The following ECPAS variants were observed in gnomAD, a reference collection of about 807,000 sequenced individuals.
ECPAS encodes the protein Ecm29 proteasome adaptor and scaffold.
ECPAS carries 70 observed loss-of-function variants against 255.1 expected under a neutral mutation model. The observed-to-expected ratio is 0.27, with a 90% confidence interval of 0.23 to 0.33. The LOEUF is 0.33. Among genes scored for constraint, ECPAS ranks in the 10% least tolerant of loss-of-function variants. The pLI, the probability that ECPAS is intolerant of heterozygous loss-of-function variation, is 1.00. For synonymous variants in ECPAS, 784 were observed against 775.0 expected, an observed-to-expected ratio of 1.01 and a Z score of -0.19; for missense variants, 1,817 against 2,206.4, an observed-to-expected ratio of 0.82 and a Z score of 3.54.
At chr9:111,391,626 C>A (rs1236796722) in intron 29 of ECPAS, 130 bp downstream of exon 29, 12 of 565,726 alleles carry the variant, frequency 2.1e-5, no homozygotes, top group Non-Finnish European at 2.7e-5. Flanking sequence ...TGTAAGTTTT[C>A]TTCTTCCACC....
chr9:111,468,015 T>A (rs2098281603), intron 2 of ECPAS, among the ~76,000 whole-genome samples: 1 of 152,052 alleles, frequency 6.6e-6, no homozygotes, highest in Admixed American at 6.6e-5. Context: ...TACTCAGGCG[T>A]GGTGGCATGT....
chr9:111,423,232 G>A lies in ECPAS; in HGVS notation c.1232C>T (p.Ser411Leu). ...NEYKEDPKLL[S>L]MAYSAVGKLS... is the part of the protein sequence containing the mutation. ...TTTTCCAACAGCTGAATATGCCATT[G>A]ACAGTAGTTTAGGGTCCTTGAAATT... The change falls in exon 13 of 50, where the codon TCA becomes TTA. Residue 411 changes from serine (S) to leucine (L), a missense_variant. This residue lies in a region of ECPAS where 573 missense variants were observed against 716.2 expected (regional missense o/e 0.80). Transcript: ENST00000684092. 1 of 1,558,728 alleles carries A rather than the reference G, an allele frequency of 6.4e-7. No individual in the cohort carries two copies.
chr9:111,396,550 T>C (rs2098167928), intron 25 of ECPAS, among the ~76,000 whole-genome samples: 1 of 152,178 alleles, frequency 6.6e-6, no homozygotes, highest in African/African-American at 2.4e-5. Context: ...AATTTCATGC[T>C]GTCTGCTTTT....
In ECPAS at chr9:111,367,596, A is replaced by C. The variant is rs541296382; in HGVS notation, c.5114-969T>G. 7.2e-5 allele frequency among the ~76,000 whole-genome samples: 11 copies of C among 152,330 alleles called. No individual in the cohort carries two copies. In the South Asian group the frequency reaches 2.3e-3, roughly 32 times the overall value. ...AGTCTATAACATAATATTAAGAAAT[A>C]AAACCACCTGCAAATTTGTATCTTC... On this transcript the variant is annotated intron_variant, in intron 46 of 49. Coordinates refer to ENST00000684092, the MANE Select transcript of ECPAS (RefSeq NM_001364929.1).
At chr9:111,483,674 C>T (rs1170311530) in intron 1 of ECPAS, 7 of 175,394 alleles carry the variant, frequency 4.0e-5, no homozygotes, top group Non-Finnish European at 7.6e-5. Flanking sequence ...TGCCCCGAGG[C>T]CCGCCCGCCG....
chr9:111,377,465 A>AGTT (rs778921074), intron 36 of ECPAS, among the ~76,000 whole-genome samples: 2 of 152,214 alleles, frequency 1.3e-5, no homozygotes, highest in African/African-American at 2.4e-5. Flanking sequence ...GTTATTCAAC[A>AGTT]GTGCCAAAGG....
At chr9:111,432,131 A>G (rs2098230933) in intron 8 of ECPAS, among the ~76,000 whole-genome samples, 1 of 152,272 alleles carries the variant, frequency 6.6e-6, no homozygotes, top group African/African-American at 2.4e-5. Context: ...TAACAATGAT[A>G]GAAAATGATA....
Position 111,444,231 on chromosome 9 carries a change from T to G in ECPAS, c.270+147A>C, listed in dbSNP as rs1053067046. On this transcript the variant is annotated intron_variant, in intron 4 of 49. Coordinates refer to ENST00000684092, the MANE Select transcript of ECPAS (RefSeq NM_001364929.1). ...ATTGGTACTCAGTGGAAAAACAGTG[T>G]GTCATTTAAAAAAAAAAAAAACTCA... 5 of 575,976 alleles carry G rather than the reference T, an allele frequency of 8.7e-6. No homozygotes were observed. The Admixed American group carries it at 9.9e-5, about 11-fold the overall frequency. 35.7% of individuals were successfully genotyped at this position (575,976 alleles called of 1,614,324 possible). A position where few individuals can be genotyped will look rare whatever the true frequency, so the allele number is the denominator to read the frequency against.
intron 12 of ECPAS, among the ~76,000 whole-genome samples, chr9:111,423,819 G>A (rs1211409646): frequency 6.6e-6 from 1 of 152,164 alleles, no homozygotes; most frequent in Admixed American, 6.5e-5. Flanking sequence ...TACAGATAGA[G>A]TTTTACATGG....
intron 29 of ECPAS, among the ~76,000 whole-genome samples, chr9:111,390,743 G>A (rs1203794276): frequency 1.3e-5 from 2 of 152,182 alleles, no homozygotes; most frequent in African/African-American, 4.8e-5. Flanking sequence ...ACCACAGCAA[G>A]GCCCTGCAAC....
At chr9:111,443,812 C>T (rs974580499) in intron 4 of ECPAS, among the ~76,000 whole-genome samples, 3 of 152,118 alleles carry the variant, frequency 2.0e-5, no homozygotes, top group African/African-American at 7.2e-5. Flanking sequence ...GGAAAAAAAA[C>T]ATCACCTGCC....
chr9:111,470,049 C>T (rs2098285081), intron 2 of ECPAS, among the ~76,000 whole-genome samples: 2 of 152,150 alleles, frequency 1.3e-5, no homozygotes, highest in Non-Finnish European at 2.9e-5. Context: ...TGCCTCTCTC[C>T]AGCCAGGGCC....
intron 29 of ECPAS, among the ~76,000 whole-genome samples, chr9:111,391,032 T>G (rs1160630188): frequency 6.6e-6 from 1 of 152,160 alleles, no homozygotes; most frequent in African/African-American, 2.4e-5. Context: ...CACCAATGGC[T>G]GGTCACTGAG....
In ECPAS at chr9:111,414,494, C is replaced by G; in HGVS notation, c.1922G>C (p.Ser641Thr). The change falls in exon 19 of 50, where the codon AGT becomes ACT. Residue 641 changes from serine (S) to threonine (T), a missense_variant. By Grantham distance (58) the Ser-to-Thr change is moderately conservative (BLOSUM62 1). Coordinates refer to ENST00000684092, the MANE Select transcript of ECPAS (RefSeq NM_001364929.1). ...GQMAPSSSNKSGETNPVQIYI... is the reference protein window; with the variant it reads ...GQMAPSSSNKTGETNPVQIYI... ...GATCTGGACAGGGTTAGTCTCCCCA[C>G]TCTTGTTAGATGATGAGGGTGCCAT... 1 of 1,613,910 alleles carries G rather than the reference C, an allele frequency of 6.2e-7. No individual in the cohort carries two copies. Among genetic ancestry groups the G allele is most frequent in the East Asian group, 2.2e-5 (1 of 44,870 alleles).
chr9:111,483,454 G>T (rs2098309962), intron 1 of ECPAS: 2 of 956,288 alleles, frequency 2.1e-6, no homozygotes, highest in South Asian at 4.8e-5. Context: ...CCCCGGCACC[G>T]CGCGGCGCCC....
At chr9:111,412,818 G>C (rs964787149) in intron 20 of ECPAS, among the ~76,000 whole-genome samples, 1 of 151,900 alleles carries the variant, frequency 6.6e-6, no homozygotes, top group Non-Finnish European at 1.5e-5. Context: ...ACACCTCCTG[G>C]CAAATTTCAT....
intron 2 of ECPAS, among the ~76,000 whole-genome samples, chr9:111,453,385 A>T (rs1381134574): frequency 1.3e-5 from 2 of 152,216 alleles, no homozygotes; most frequent in East Asian, 3.9e-4. Flanking sequence ...GTCAATCTAC[A>T]TGAGTCCATA....
rs563073279 is a variant in ECPAS at position 111,444,734 on chromosome 9, G to A, written c.154-240C>T. ...TCTTTTTCTTTTTATTTCCCAAGAC[G>A]GAGTCTTGCTCTGTCGTGCAGGCTG... On this transcript the variant is annotated intron_variant, in intron 3 of 49. Coordinates refer to ENST00000684092, the MANE Select transcript of ECPAS (RefSeq NM_001364929.1). Among the ~76,000 whole-genome samples the A allele has an allele frequency of 8.5e-5, 13 of 152,168 alleles. No individual in the cohort carries two copies. The South Asian group carries it at 2.5e-3, about 29-fold the overall frequency.
At chr9:111,450,019 A>G (rs2098258220) in intron 3 of ECPAS, among the ~76,000 whole-genome samples, 1 of 152,214 alleles carries the variant, frequency 6.6e-6, no homozygotes, top group Non-Finnish European at 1.5e-5. Context: ...TCCCAAATAT[A>G]TTCTTTCATA....
Sources: gnomAD v4.1 joint callset for allele counts (sites outside exome capture counted in the v4.1 genomes callset) on GRCh38, gnomAD v4.1.1 for gene constraint, gnomAD v4.1.1 regional missense constraint, MANE v1.5 for transcripts, NCBI Gene and HGNC (gene_info 2026-07-23, HGNC 2026-07-21) for gene names.